Variants in NME9 observed in about 807,000 individuals in gnomAD.
NME9 encodes the protein thioredoxin domain-containing protein 6.
Under a neutral mutation model 44.4 loss-of-function variants are expected in NME9, and 48 were observed. That is an observed-to-expected ratio of 1.08 (90% confidence interval 0.86 to 1.37). The LOEUF is 1.37. NME9 is among the 40% of genes most tolerant of loss of function. The pLI is 0.00. For synonymous variants in NME9, 139 were observed against 147.1 expected (o/e 0.94, Z 0.40); for missense variants, 325 against 405.2 (o/e 0.80, Z 1.70).
At chr3:138,287,979 A>G (rs947905632) in intron 8 of NME9, 2 of 174,514 alleles carry the variant, frequency 1.1e-5, no homozygotes, top group Non-Finnish European at 2.5e-5. Context: ...CTTTCAGTAC[A>G]TAAAGCAAAA....
intron 6 of NME9, among the ~76,000 whole-genome samples, chr3:138,312,868 T>C (rs1189126572): frequency 6.6e-6 from 1 of 152,138 alleles, no homozygotes; most frequent in African/African-American, 2.4e-5. Flanking sequence ...CGACAAGGGA[T>C]TAATAACCAG....
intron 2 of NME9, chr3:138,324,452 G>A (rs1326995884): frequency 2.2e-6 from 1 of 458,776 alleles, no homozygotes; most frequent in Non-Finnish European, 4.4e-6. Context: ...GGAGGATAGG[G>A]ATGAGGAGGC....
Position 138,301,558 on chromosome 3 carries a change from A to C in NME9, c.*82T>G. The C allele has an allele frequency of 6.6e-7, 1 of 1,517,984 alleles. No individual in the cohort carries two copies. Among genetic ancestry groups the C allele is most frequent in the East Asian group, 2.5e-5 (1 of 40,716 alleles). The allele number at this position is 1,517,984 out of a possible 1,614,324, so 94.0% of individuals were successfully genotyped here. On this transcript the variant is annotated 3_prime_UTR_variant, in exon 11 of 11. Coordinates refer to ENST00000333911, the MANE Select transcript of NME9 (RefSeq NM_001349018.2). ...GCTAAACCAAAAAGTATTGGTACTC[A>C]AAAGAGTAAGTTCCGATTCCGGAGG...
In NME9 at chr3:138,304,965, G is replaced by C. The variant is rs749468559; in HGVS notation, c.699C>G (p.Thr233=). The change falls in exon 9 of 11, where the codon ACC becomes ACG. Residue 233 remains threonine (T), a synonymous_variant. Coordinates refer to ENST00000333911, the MANE Select transcript of NME9 (RefSeq NM_001349018.2). ...CSGPSHLLIL[T]RTEGFEDVVT... Reference sequence around the variant, plus strand: ...CCACGTCCTCGAAGCCCTCAGTCCTGGTGAGGATCAGGAGGTGGCTTGGTC... The same window carrying C: ...CCACGTCCTCGAAGCCCTCAGTCCTCGTGAGGATCAGGAGGTGGCTTGGTC... The C allele has an allele frequency of 6.2e-7, 1 of 1,613,896 alleles. No homozygotes were observed.
chr3:138,303,577 A>G lies in NME9; in HGVS notation c.858T>C (p.Asp286=), dbSNP rs758907245. ...AGAGCAATGCCAGTTCTCTGTCAGC[A>G]TCTTCTCTGTCCCGGCTTCCATGGA... ...NAVHGSRDRE[D]ADRELALLFP... Residue 286 remains aspartate (D), a synonymous_variant, in exon 10 of 11, where the codon GAT becomes GAC. Transcript: ENST00000333911. The G allele has an allele frequency of 2.0e-4, 329 of 1,613,768 alleles. 1 individual carries two copies. The highest frequency in any genetic ancestry group is 2.8e-4 in the Non-Finnish European group (325 of 1,179,730).
chr3:138,263,164 A>T (rs1346425645), intron 8 of NME9, among the ~76,000 whole-genome samples: 1 of 152,252 alleles, frequency 6.6e-6, no homozygotes, highest in Non-Finnish European at 1.5e-5. Context: ...GATGAAGGAA[A>T]ATTGCAGGTT....
intron 8 of NME9, among the ~76,000 whole-genome samples, chr3:138,272,447 C>T (rs575150465): frequency 2.4e-4 from 36 of 151,598 alleles, no homozygotes; most frequent in Non-Finnish European, 5.0e-4. Context: ...TGGTCACATT[C>T]CTCATGTAGA....
At chr3:138,268,089 A>C (rs945034865) in intron 8 of NME9, among the ~76,000 whole-genome samples, 3 of 152,108 alleles carry the variant, frequency 2.0e-5, no homozygotes, top group Non-Finnish European at 4.4e-5. Context: ...CTAAAAGTAC[A>C]AAAATTAGCC....
At chr3:138,275,353 C>T (rs1163793546) in intron 8 of NME9, among the ~76,000 whole-genome samples, 1 of 151,978 alleles carries the variant, frequency 6.6e-6, no homozygotes, top group East Asian at 1.9e-4. Flanking sequence ...GTCAGGAGAT[C>T]GAGACCATCC....
chr3:138,284,590 A>G (rs907453340), intron 8 of NME9: 5 of 1,208,242 alleles, frequency 4.1e-6, no homozygotes, highest in Non-Finnish European at 4.9e-6. Flanking sequence ...TTTAACTCAA[A>G]ATAAATTGTG....
At chr3:138,284,579 T>G in intron 8 of NME9, 3 of 1,303,820 alleles carry the variant, frequency 2.3e-6, no homozygotes, top group Non-Finnish European at 3.3e-6. Flanking sequence ...ACTGTTGCAT[T>G]TTTAACTCAA....
In NME9 at chr3:138,318,192, C is replaced by T. The variant is rs200732318; in HGVS notation, c.223G>A (p.Glu75Lys). 19 of 1,612,874 alleles carry T rather than the reference C, an allele frequency of 1.2e-5. No individual in the cohort carries two copies. The highest frequency in any genetic ancestry group is 3.3e-5 in the South Asian group (3 of 91,030). The change falls in exon 4 of 11, where the codon GAA becomes AAA. Residue 75 changes from glutamate (E) to lysine (K), a missense_variant. Glu to Lys is a moderately conservative substitution (Grantham distance 56). Coordinates refer to ENST00000333911, the MANE Select transcript of NME9 (RefSeq NM_001349018.2). ...LAEADRLDVLEKYRGKCEPTF... is the reference protein window; with the variant it reads ...LAEADRLDVLKKYRGKCEPTF... ...GGCTCGCACTTCCCTCTGTACTTTT[C>T]GAGGACATCAAGACGATCTGCCTCT...
At chr3:138,312,727 T>C (rs1367845422) in intron 6 of NME9, among the ~76,000 whole-genome samples, 1 of 152,070 alleles carries the variant, frequency 6.6e-6, no homozygotes, top group East Asian at 1.9e-4. Flanking sequence ...CTCAAAAGCA[T>C]AGGCAACAAA....
intron 6 of NME9, among the ~76,000 whole-genome samples, chr3:138,313,886 T>C (rs1381823303): frequency 2.0e-5 from 3 of 152,126 alleles, no homozygotes; most frequent in Admixed American, 6.5e-5. Flanking sequence ...AGAGAGTAGA[T>C]TGGTGATTAC....
chr3:138,262,246 G>T, exon 9 of NME9: 1 of 286,798 alleles, frequency 3.5e-6, no homozygotes, highest in Non-Finnish European at 6.5e-6. Flanking sequence ...GAATTTAGGG[G>T]CTAGAGGTGA....
chr3:138,296,078 T>G (rs776421169), downstream of NME9: 2 of 524,736 alleles, frequency 3.8e-6, no homozygotes, highest in Non-Finnish European at 6.6e-6. Context: ...GGTAGTAATT[T>G]CCTCAGAAGA....
At chr3:138,272,865 CTG>C in intron 8 of NME9, 1 of 1,090,170 alleles carries the variant, frequency 9.2e-7, no homozygotes, top group South Asian at 2.3e-5. Context: ...GAGCAAGACT[CTG>C]TCTCAAAAAA....
intron 1 of NME9, among the ~76,000 whole-genome samples, chr3:138,328,896 T>C (rs2053957097): frequency 6.6e-6 from 1 of 152,232 alleles, no homozygotes; most frequent in Non-Finnish European, 1.5e-5. Flanking sequence ...TACAGACTCA[T>C]GCCCAAAGTC....
intron 8 of NME9, chr3:138,274,426 A>C: frequency 6.8e-7 from 1 of 1,470,618 alleles, no homozygotes; most frequent in Non-Finnish European, 9.5e-7. Flanking sequence ...TTTGATAATT[A>C]TGGATTTCCC....
Sources: gnomAD v4.1 joint callset for allele counts (sites outside exome capture counted in the v4.1 genomes callset) on GRCh38, gnomAD v4.1.1 for gene constraint, MANE v1.5 for transcripts, NCBI Gene and HGNC (gene_info 2026-07-23, HGNC 2026-07-21) for gene names.